Variants in CUX1 observed in about 807,000 individuals in gnomAD.
The protein encoded by CUX1 is cut like homeobox 1, also known as protein CASP.
CUX1 carries 31 observed loss-of-function variants against 158.8 expected under a neutral mutation model. The observed-to-expected ratio is 0.20, with a 90% CI of 0.15 to 0.26. The LOEUF is 0.26. CUX1 is among the 10% of genes least tolerant of loss of function. The pLI, the probability that CUX1 is intolerant of heterozygous loss-of-function variation, is 1.00. For missense variants in CUX1, 1,589 were observed against 2,014.6 expected (o/e 0.79, Z 4.04); for synonymous variants, 879 against 862.1 (o/e 1.02, Z -0.34).
intron 2 of CUX1, among the ~76,000 whole-genome samples, chr7:101,984,069 T>TA (rs1283415993): frequency 1.5e-5 from 1 of 64,700 alleles, no homozygotes; most frequent in African/African-American, 7.1e-5. Context: ...CAAGACTCTG[T>TA]CCCCCCCCAA....
chr7:101,913,270 G>A (rs984719920), intron 1 of CUX1: 1 of 781,044 alleles, frequency 1.3e-6, no homozygotes, highest in African/African-American at 1.8e-5. Context: ...TGTTTCTGTG[G>A]TGGCGGGTGG....
At chr7:102,046,063 C>G (rs1822749711) in intron 3 of CUX1, among the ~76,000 whole-genome samples, 1 of 152,146 alleles carries the variant, frequency 6.6e-6, no homozygotes, top group African/African-American at 2.4e-5. Flanking sequence ...TCTAAGAACC[C>G]CAGAATGACT....
At chr7:101,851,899 G>A (rs1361151363) in intron 1 of CUX1, among the ~76,000 whole-genome samples, 1 of 151,406 alleles carries the variant, frequency 6.6e-6, no homozygotes, top group Non-Finnish European at 1.5e-5. Flanking sequence ...CACCATCATG[G>A]CTCTCTGCAA....
chr7:102,018,400 C>T (rs1403950984), intron 2 of CUX1, among the ~76,000 whole-genome samples: 1 of 152,246 alleles, frequency 6.6e-6, no homozygotes, highest in Admixed American at 6.5e-5. Flanking sequence ...TACCACTGAT[C>T]CCCTGGCCAT....
chr7:101,817,627 C>G lies in CUX1; in HGVS notation c.-13C>G. The G allele has an allele frequency of 6.5e-7, 1 of 1,549,960 alleles. No individual in the cohort carries two copies. Among genetic ancestry groups the G allele is most frequent in the East Asian group, 2.4e-5 (1 of 40,946 alleles). ...CCGCGGCGCCGGGACAGCCCCGGGA[C>G]TCTGCCAGGTGGATGTTGTGCGTAG... On this transcript the variant is annotated 5_prime_UTR_variant, in exon 1 of 24. Transcript: ENST00000292535. The surrounding 1 kb of genome is among the most constrained non-coding windows in gnomAD (Gnocchi z 4.1).
At chr7:102,234,286 G>A (rs1554531858) in intron 22 of CUX1, 46 bp downstream of exon 22, 3 of 1,438,496 alleles carry the variant, frequency 2.1e-6, no homozygotes, top group South Asian at 1.5e-5. Flanking sequence ...CGCATTCATA[G>A]ACAGGCTGTT....
intron 2 of CUX1, among the ~76,000 whole-genome samples, chr7:101,919,959 G>C (rs1804704614): frequency 2.6e-5 from 4 of 152,238 alleles, no homozygotes; most frequent in South Asian, 4.1e-4. Flanking sequence ...ACAGGATCCT[G>C]CTCTGTCACC....
Position 101,976,285 on chromosome 7 carries a change from T to A in CUX1, c.142-51813T>A, listed in dbSNP as rs561312484. On this transcript the variant is annotated intron_variant, in intron 2 of 23. Coordinates refer to ENST00000292535, the MANE Select transcript of CUX1 (RefSeq NM_181552.4). ...GATTTCTAGTGTTTCACTTGGTTTT[T>A]GAATCGACAACAGTTTTGTGTGTAG... Among the ~76,000 whole-genome samples, 15 of 152,376 alleles carry A rather than the reference T, an allele frequency of 9.8e-5. 2 individuals carry two copies. The highest frequency in any genetic ancestry group is 8.5e-4 in the Admixed American group (13 of 15,310).
Position 102,126,894 on chromosome 7 carries a change from A to G in CUX1, c.674+11621A>G, listed in dbSNP as rs185049992. ...GCCCTGAGCTTGTTTTTCTGCAACT[A>G]CACAGTCCCATCTGGGGGTGATGGG... On this transcript the variant is annotated intron_variant, in intron 8 of 23. Transcript: ENST00000292535. 2.8e-3 allele frequency among the ~76,000 whole-genome samples: 429 copies of G among 152,308 alleles called. 3 individuals are homozygous for G. Among genetic ancestry groups the G allele is most frequent in the Non-Finnish European group, 4.8e-3 (329 of 68,028 alleles).
At chr7:102,092,303 C>G (rs1563229411) in intron 4 of CUX1, among the ~76,000 whole-genome samples, 1 of 152,198 alleles carries the variant, frequency 6.6e-6, no homozygotes, top group Non-Finnish European at 1.5e-5. Context: ...TGACCATGCC[C>G]TGTTCACAGC....
intron 1 of CUX1, among the ~76,000 whole-genome samples, chr7:101,859,815 TCA>T (rs1225233239): frequency 6.6e-6 from 1 of 152,140 alleles, no homozygotes; most frequent in African/African-American, 2.4e-5. Flanking sequence ...TCTCTCTCTC[TCA>T]GTCCTTTCTT....
chr7:102,166,994 G>A (rs1268802498), intron 9 of CUX1, among the ~76,000 whole-genome samples: 7 of 152,142 alleles, frequency 4.6e-5, no homozygotes, highest in Admixed American at 1.3e-4. Flanking sequence ...CAGGCCGGGC[G>A]CGGTGGCTCA....
At chr7:102,207,306 C>T (rs1202038150) in intron 20 of CUX1, among the ~76,000 whole-genome samples, 5 of 152,060 alleles carry the variant, frequency 3.3e-5, no homozygotes, top group African/African-American at 7.2e-5. Context: ...CTCCCCCACC[C>T]GCCTTCCATG....
At chr7:102,154,773 G>A (rs1020409776) in intron 8 of CUX1, among the ~76,000 whole-genome samples, 1 of 152,134 alleles carries the variant, frequency 6.6e-6, no homozygotes, top group African/African-American at 2.4e-5. Context: ...AATAACAGTA[G>A]TCTCAAACAG....
chr7:101,857,552 G>A (rs865788303), intron 1 of CUX1, among the ~76,000 whole-genome samples: 5 of 152,274 alleles, frequency 3.3e-5, no homozygotes, highest in South Asian at 2.1e-4. Context: ...GGTTTCACCC[G>A]TTGAGGATGA....
chr7:102,142,069 C>T (rs1834529298), intron 8 of CUX1, among the ~76,000 whole-genome samples: 1 of 152,166 alleles, frequency 6.6e-6, no homozygotes, highest in African/African-American at 2.4e-5. Context: ...TGAGCCCATG[C>T]ACCACTGCGC....
chr7:102,068,074 AC>A (rs1825743253), intron 3 of CUX1, among the ~76,000 whole-genome samples: 1 of 151,272 alleles, frequency 6.6e-6, no homozygotes, highest in Non-Finnish European at 1.5e-5. Flanking sequence ...CAAATTCACA[AC>A]CTTGTTTTTT....
chr7:102,200,435 C>T (rs995173517), intron 17 of CUX1, among the ~76,000 whole-genome samples: 1 of 152,016 alleles, frequency 6.6e-6, no homozygotes, highest in African/African-American at 2.4e-5. Context: ...CTCTGCCTCC[C>T]GGGTTTAAGC....
chr7:102,233,988 A>G, intron 21 of CUX1, 64 bp from the exon 22 acceptor site: 4 of 1,314,608 alleles, frequency 3.0e-6, no homozygotes, highest in Non-Finnish European at 4.0e-6. Flanking sequence ...CTTGACACGT[A>G]CTTGTCCCTT....
Sources: gnomAD v4.1 joint callset for allele counts (sites outside exome capture counted in the v4.1 genomes callset) on GRCh38, gnomAD v4.1.1 for gene constraint, Gnocchi (gnomAD v3.1) non-coding constraint, MANE v1.5 for transcripts, NCBI Gene and HGNC (gene_info 2026-07-23, HGNC 2026-07-21) for gene names.